Variants in BPTF observed in about 807,000 individuals in gnomAD.
BPTF encodes the protein nucleosome-remodeling factor subunit BPTF.
Under a neutral mutation model 292.5 loss-of-function variants are expected in BPTF, and 18 were observed. The observed-to-expected ratio is 0.06, with a 90% confidence interval of 0.04 to 0.09. The LOEUF is 0.09. BPTF is among the 10% of genes least tolerant of loss of function. The pLI is 1.00. For missense variants in BPTF, 2,726 were observed against 3,498.7 expected (o/e 0.78, Z 5.57); for synonymous variants, 1,225 against 1,251.9 (o/e 0.98, Z 0.45).
At chr17:67,939,842 C>T (rs534318963) in intron 18 of BPTF, among the ~76,000 whole-genome samples, 16 of 152,200 alleles carry the variant, frequency 1.1e-4, no homozygotes, top group Admixed American at 2.0e-4. Context: ...ATCACGCCAC[C>T]GCACTCCAGC....
At chr17:67,856,402 CCT>C (rs1206714867) in intron 2 of BPTF, among the ~76,000 whole-genome samples, 1 of 151,858 alleles carries the variant, frequency 6.6e-6, no homozygotes, top group African/African-American at 2.4e-5. Flanking sequence ...TTTTTTCTCT[CCT>C]CTGTGCATGG....
chr17:67,864,868 G>A (rs201872699), intron 2 of BPTF, among the ~76,000 whole-genome samples: 3 of 151,702 alleles, frequency 2.0e-5, no homozygotes, highest in East Asian at 1.9e-4. Context: ...GAACTGGCGC[G>A]AACTCGGCTC....
chr17:67,880,944 A>T (rs901077825), intron 4 of BPTF, among the ~76,000 whole-genome samples: 2 of 105,480 alleles, frequency 1.9e-5, no homozygotes, highest in African/African-American at 3.1e-5. Flanking sequence ...GGGTGTATGT[A>T]TATTATATAT....
intron 9 of BPTF, 140 bp from the exon 10 acceptor site, chr17:67,909,442 C>G: frequency 1.6e-6 from 1 of 627,094 alleles, no homozygotes; most frequent in South Asian, 3.2e-5. Context: ...TCAATAAGAC[C>G]TTTGTCTTTT....
chr17:67,830,812 C>G (rs766224076), intron 1 of BPTF, among the ~76,000 whole-genome samples: 1 of 152,188 alleles, frequency 6.6e-6, no homozygotes, highest in Non-Finnish European at 1.5e-5. Flanking sequence ...TACTTTCCCC[C>G]TTTTCTGTAG....
chr17:67,955,522 A>G (rs1163929064), intron 23 of BPTF: 2 of 150,840 alleles, frequency 1.3e-5, no homozygotes, highest in Non-Finnish European at 3.0e-5. Flanking sequence ...TCTGCTTTAG[A>G]ATCTTAAAAC....
chr17:67,922,359 T>C (rs903429535), intron 13 of BPTF, among the ~76,000 whole-genome samples: 9 of 152,216 alleles, frequency 5.9e-5, no homozygotes, highest in Admixed American at 1.3e-4. Context: ...ATCTCCACTT[T>C]ATATTGGTAA....
At position 67,903,795 on chromosome 17, in the gene BPTF, C is replaced by T. The variant is rs2062006319; in HGVS notation, c.2550C>T (p.His850=). 4.5e-6 allele frequency: 7 copies of T among 1,561,372 alleles called. No individual in the cohort carries two copies. In the South Asian group the frequency reaches 8.7e-5, roughly 19 times the overall value. The part of the protein sequence containing the change: ...WRESLGHTRL[H]RMTSIEREEK... ...TCTATGCATGAATTCTTAGGTTACA[C>T]CGGATGACATCAATTGAAAGAGAAG... Residue 850 remains histidine (H), a synonymous_variant, in exon 8 of 28, where the codon CAC becomes CAT. Coordinates refer to ENST00000306378, the MANE Select transcript of BPTF (RefSeq NM_182641.4).
At chr17:67,866,208 T>C (rs983111622) in intron 2 of BPTF, among the ~76,000 whole-genome samples, 1 of 152,186 alleles carries the variant, frequency 6.6e-6, no homozygotes, top group Admixed American at 6.5e-5. Context: ...TTGGTTGAGA[T>C]GTAGCTGAAA....
rs1296886877 is a variant in BPTF, at chr17:67,912,098, T to G, written c.4214T>G (p.Phe1405Cys). The G allele has an allele frequency of 1.2e-6, 2 of 1,606,722 alleles. No homozygotes were observed. Among genetic ancestry groups the G allele is most frequent in the Admixed American group, 3.4e-5 (2 of 58,188 alleles). Residue 1405 changes from phenylalanine (F) to cysteine (C), a missense_variant, in exon 11 of 28, where the codon TTT becomes TGT. By Grantham distance (205) the Phe-to-Cys change is radical (BLOSUM62 -2). Transcript: ENST00000306378. ...AAGAAAGGACAGAGAACAAGTACAT[T>G]TCAAATAAATGGAAAAGATAATAAA... ...SEKKGQRTST[F>C]QINGKDNKPK...
chr17:67,899,514 T>A (rs2061675159), intron 7 of BPTF, among the ~76,000 whole-genome samples: 1 of 151,960 alleles, frequency 6.6e-6, no homozygotes, highest in Admixed American at 6.6e-5. Context: ...AGTTTTATAC[T>A]TGATGCTGAG....
chr17:67,944,092 T>C (rs957654686), intron 19 of BPTF, 58 bp from the exon 20 acceptor site: 6 of 1,223,916 alleles, frequency 4.9e-6, no homozygotes, highest in Non-Finnish European at 7.1e-6. Flanking sequence ...TTAATAAAAA[T>C]GATATACATA....
At chr17:67,953,400 C>T (rs1167333112) in intron 23 of BPTF, among the ~76,000 whole-genome samples, 3 of 151,426 alleles carry the variant, frequency 2.0e-5, no homozygotes, top group East Asian at 1.9e-4. Context: ...GGATTACAGG[C>T]GCCCACCACT....
intron 23 of BPTF, chr17:67,950,838 C>CA (rs71142113): frequency 0.82 from 111,716 of 136,454 alleles, 46,800 homozygotes; most frequent in East Asian, 0.98. Context: ...GACTAGGTCT[C>CA]AAAAAAAAAA....
chr17:67,861,136 T>G (rs2059051477), intron 2 of BPTF, among the ~76,000 whole-genome samples: 1 of 152,228 alleles, frequency 6.6e-6, no homozygotes, highest in Non-Finnish European at 1.5e-5. Context: ...GTAAATGGAA[T>G]TACTGTCCCA....
chr17:67,925,158 A>G (rs1028616825), intron 15 of BPTF, among the ~76,000 whole-genome samples: 1 of 151,388 alleles, frequency 6.6e-6, no homozygotes, highest in African/African-American at 2.4e-5. Context: ...AAAAGTATAC[A>G]TATTTGGAGG....
Position 67,912,757 on chromosome 17 carries a change from G to A in BPTF, c.4873G>A (p.Val1625Ile). ...CACAGAAAATTGTGCAAAATCCACT[G>A]TCACAACCACCACTACAACAGTGAC... ...SSTENCAKST[V>I]TTTTTTVTKL... Residue 1625 changes from valine (V) to isoleucine (I), a missense_variant, in exon 11 of 28, where the codon GTC (valine) becomes ATC (isoleucine). Val to Ile is a conservative substitution (Grantham distance 29, BLOSUM62 3). Coordinates refer to ENST00000306378, the MANE Select transcript of BPTF (RefSeq NM_182641.4). 10 of 1,614,126 alleles carry A rather than the reference G, an allele frequency of 6.2e-6. No individual in the cohort carries two copies. The highest frequency in any genetic ancestry group is 1.1e-5 in the South Asian group (1 of 91,082).
At chr17:67,901,692 G>A (rs970106268) in intron 7 of BPTF, among the ~76,000 whole-genome samples, 1 of 152,182 alleles carries the variant, frequency 6.6e-6, no homozygotes, top group African/African-American at 2.4e-5. Context: ...TAAAAACAAT[G>A]GGATAGTATT....
At position 67,929,251 on chromosome 17, in the gene BPTF, C is replaced by T. The variant is rs191062785; in HGVS notation, c.5999-85C>T. On this transcript the variant is annotated intron_variant, in intron 16 of 27. Transcript: ENST00000306378. ...TAGCCCACTATAAAACCCTGCCACA[C>T]GTAGTTTCTCCTCAGCAACCGAGCA... 28 of 1,549,638 alleles carry T rather than the reference C, an allele frequency of 1.8e-5. No individual in the cohort carries two copies. The African/African-American group carries it at 2.0e-4, about 11-fold the overall frequency.
Sources: gnomAD v4.1 joint callset for allele counts (sites outside exome capture counted in the v4.1 genomes callset) on GRCh38, gnomAD v4.1.1 for gene constraint, MANE v1.5 for transcripts, NCBI Gene and HGNC (gene_info 2026-07-23, HGNC 2026-07-21) for gene names.